The following PRKAG2 variants were observed in gnomAD, a reference collection of about 807,000 sequenced individuals.
PRKAG2 encodes the protein protein kinase AMP-activated non-catalytic subunit gamma 2.
Under a neutral mutation model 69.6 loss-of-function variants are expected in PRKAG2, and 26 were observed. That is an observed-to-expected ratio of 0.37 (90% confidence interval 0.27 to 0.52). The LOEUF (loss-of-function observed/expected upper bound fraction) is 0.52. PRKAG2 is among the 20% of genes least tolerant of loss of function. PRKAG2 has a pLI of 0.90. For synonymous variants in PRKAG2, 293 were observed against 285.0 expected, an observed-to-expected ratio of 1.03 and a Z score of -0.28; for missense variants, 557 against 740.0, an observed-to-expected ratio of 0.75 and a Z score of 2.87.
At chr7:151,868,791 A>G (rs1041541738) in intron 1 of PRKAG2, among the ~76,000 whole-genome samples, 4 of 152,240 alleles carry the variant, frequency 2.6e-5, no homozygotes, top group African/African-American at 9.6e-5. Context: ...CTAGAAACAG[A>G]AAGACACTGG....
At chr7:151,845,475 G>GC (rs60712608) in intron 1 of PRKAG2, among the ~76,000 whole-genome samples, 152,205 of 152,206 alleles carry the variant, frequency 1, 76,102 homozygotes, top group Non-Finnish European at 1. Flanking sequence ...GTGGGGCCCA[G>GC]CCTCCAGGTG....
chr7:151,615,131 T>C (rs1044513357), intron 5 of PRKAG2, among the ~76,000 whole-genome samples: 1 of 152,118 alleles, frequency 6.6e-6, no homozygotes, highest in Admixed American at 6.5e-5. Context: ...AGAAAGGAGC[T>C]GTTTTTTGTT....
chr7:151,869,051 G>A (rs1415432723), intron 1 of PRKAG2, among the ~76,000 whole-genome samples: 2 of 151,498 alleles, frequency 1.3e-5, no homozygotes, highest in African/African-American at 4.8e-5. Context: ...CAAACCCTGA[G>A]TGCAAACTAG....
At chr7:151,786,377 G>C (rs2077008528) in intron 2 of PRKAG2, 93 bp downstream of exon 2, 1 of 1,249,586 alleles carries the variant, frequency 8.0e-7, no homozygotes, top group Admixed American at 2.0e-5. Flanking sequence ...GTGGGCGTGA[G>C]GGTGAACACA....
intron 3 of PRKAG2, among the ~76,000 whole-genome samples, chr7:151,695,953 A>G (rs997074916): frequency 4.9e-4 from 75 of 152,200 alleles, no homozygotes; most frequent in African/African-American, 1.7e-3. Flanking sequence ...CGGGCAGAGG[A>G]AGCAGACCCC....
At position 151,721,473 on chromosome 7, in the gene PRKAG2, C is replaced by T. The variant is rs572408639; in HGVS notation, c.467-45836G>A. Among the ~76,000 whole-genome samples, 54 of 152,220 alleles carry T rather than the reference C, an allele frequency of 3.5e-4. No individual in the cohort carries two copies. In the East Asian group the frequency reaches 3.7e-3, roughly 10 times the overall value. On this transcript the variant is annotated intron_variant, in intron 3 of 15. Coordinates refer to ENST00000287878, the MANE Select transcript of PRKAG2 (RefSeq NM_016203.4). ...CCTGAGGGCCTGGCTCCCCAGAGCA[C>T]GTCCTCCCTCCAAGGCCTCTCATGC...
chr7:151,619,561 G>A (rs1820972375), intron 5 of PRKAG2, among the ~76,000 whole-genome samples: 1 of 152,096 alleles, frequency 6.6e-6, no homozygotes, highest in Non-Finnish European at 1.5e-5. Flanking sequence ...GGTTCAATCT[G>A]TACAAACTTT....
At chr7:151,599,848 G>T (rs541657835) in intron 5 of PRKAG2, among the ~76,000 whole-genome samples, 9 of 152,242 alleles carry the variant, frequency 5.9e-5, no homozygotes, top group Admixed American at 5.9e-4. Context: ...ATAAGACCTG[G>T]GAGGCCTGGC....
At chr7:151,705,894 T>C (rs937121932) in intron 3 of PRKAG2, among the ~76,000 whole-genome samples, 6 of 152,100 alleles carry the variant, frequency 3.9e-5, no homozygotes, top group African/African-American at 1.4e-4. Flanking sequence ...CCTACACATG[T>C]TTTATGATTT....
At chr7:151,790,102 C>G (rs2077204152) in intron 1 of PRKAG2, among the ~76,000 whole-genome samples, 1 of 152,164 alleles carries the variant, frequency 6.6e-6, no homozygotes, top group Non-Finnish European at 1.5e-5. Context: ...TTCAGCCACT[C>G]AGGGACAGCT....
intron 3 of PRKAG2, among the ~76,000 whole-genome samples, chr7:151,742,220 C>G (rs965648740): frequency 1.4e-5 from 2 of 140,828 alleles, no homozygotes; most frequent in African/African-American, 2.5e-5. Flanking sequence ...AATACCCTAG[C>G]CTGAATCCCA....
chr7:151,772,612 T>C (rs1410401987), intron 3 of PRKAG2, among the ~76,000 whole-genome samples: 1 of 152,192 alleles, frequency 6.6e-6, no homozygotes, highest in Non-Finnish European at 1.5e-5. Flanking sequence ...AGGCCTGACA[T>C]CCCAAGATTT....
chr7:151,627,958 C>T (rs978937124), intron 5 of PRKAG2, among the ~76,000 whole-genome samples: 2 of 152,178 alleles, frequency 1.3e-5, no homozygotes, highest in Non-Finnish European at 2.9e-5. Context: ...GCCGCCACGC[C>T]CGGCCTGGAT....
Position 151,563,488 on chromosome 7 carries a change from G to A in PRKAG2, c.1584+590C>T, listed in dbSNP as rs577484164. On this transcript the variant is annotated intron_variant, in intron 14 of 15. Coordinates refer to ENST00000287878, the MANE Select transcript of PRKAG2 (RefSeq NM_016203.4). ...TTCACTTTGTTAAAATATATATTAC[G>A]CACTTTAAATTTTGAATTCATAAAT... is the stretch of plus-strand genomic sequence containing the variant. Among the ~76,000 whole-genome samples, 83 of 152,256 alleles carry A rather than the reference G, an allele frequency of 5.5e-4. No homozygotes were observed. In the South Asian group the frequency reaches 9.7e-3, roughly 18 times the overall value.
At chr7:151,695,879 G>C (rs1208645729) in intron 3 of PRKAG2, among the ~76,000 whole-genome samples, 1 of 152,166 alleles carries the variant, frequency 6.6e-6, no homozygotes, top group African/African-American at 2.4e-5. Context: ...TCTGTAGACA[G>C]GTGGAAACCG....
At chr7:151,671,578 A>T (rs1832051510) in intron 4 of PRKAG2, among the ~76,000 whole-genome samples, 1 of 152,274 alleles carries the variant, frequency 6.6e-6, no homozygotes, top group African/African-American at 2.4e-5. Flanking sequence ...ATCTTCTCCC[A>T]AAAGATAACA....
intron 4 of PRKAG2, among the ~76,000 whole-genome samples, chr7:151,653,939 A>G (rs960338940): frequency 2.0e-5 from 3 of 152,214 alleles, no homozygotes; most frequent in Non-Finnish European, 4.4e-5. Context: ...TCAAATTTCT[A>G]TTCCTCAAAA....
chr7:151,807,498 G>C lies in PRKAG2; in HGVS notation c.115-20957C>G. 6.6e-6 allele frequency: 3 copies of C among 457,792 alleles called. No homozygotes were observed. Among genetic ancestry groups the C allele is most frequent in the Non-Finnish European group, 1.3e-5 (3 of 226,974 alleles). The allele number at this position is 457,792 out of a possible 1,614,324, so 28.4% of individuals were successfully genotyped here. On this transcript the variant is annotated intron_variant, in intron 1 of 15. Coordinates refer to ENST00000287878, the MANE Select transcript of PRKAG2 (RefSeq NM_016203.4). This position sits in a 1 kb window ranked among gnomAD's most constrained non-coding sequence, Gnocchi z 4.4. ...ATGGCGTGTTACACCTATCAGATCG[G>C]GCACACTGCCCCTTCTTCCCAACCT...
intron 6 of PRKAG2, 42 bp downstream of exon 6, chr7:151,595,303 C>T: frequency 1.5e-6 from 2 of 1,370,090 alleles, no homozygotes; most frequent in Non-Finnish European, 1.0e-6. Flanking sequence ...TAGTAGCCAT[C>T]CAAAAAATAC....
Sources: allele counts gnomAD v4.1 joint callset (sites outside exome capture counted in the v4.1 genomes callset), GRCh38; gene constraint gnomAD v4.1.1; non-coding constraint Gnocchi (gnomAD v3.1); transcripts MANE v1.5; gene names NCBI Gene and HGNC (gene_info 2026-07-23, HGNC 2026-07-21).